SHROOM4: variants seen among roughly 807,000 people sequenced by gnomAD.
The protein encoded by SHROOM4 is shroom family member 4.
A neutral mutation model predicts 80.3 loss-of-function variants in SHROOM4; 17 were observed. That is an observed-to-expected ratio of 0.21 (90% CI 0.14 to 0.32). The LOEUF (loss-of-function observed/expected upper bound fraction) is 0.32, where lower values mean the gene tolerates loss of function less well. Ranked by LOEUF, SHROOM4 falls within the 10% of genes least tolerant of loss-of-function variation. SHROOM4 has a pLI of 1.00. For synonymous variants in SHROOM4, 400 were observed against 437.5 expected, an observed-to-expected ratio of 0.91 and a Z score of 1.07; for missense variants, 993 against 1,140.3, an observed-to-expected ratio of 0.87 and a Z score of 1.86.
intron 1 of SHROOM4, among the ~76,000 whole-genome samples, chrX:50,779,604 T>C (rs1318932417): frequency 2.7e-5 from 3 of 111,791 alleles, no homozygotes; most frequent in Non-Finnish European, 5.6e-5. Flanking sequence ...CCCAGCTACA[T>C]AGACTGCCCC....
chrX:50,627,647 A>G lies in SHROOM4; in HGVS notation c.2924T>C (p.Ile975Thr). 8 of 1,210,261 alleles carry G rather than the reference A, an allele frequency of 6.6e-6. No homozygotes were observed. The highest frequency in any genetic ancestry group is 8.9e-6 in the Non-Finnish European group (8 of 894,453). Residue 975 changes from isoleucine to threonine, a missense_variant, in exon 5 of 9, where the codon ATA becomes ACA. Physicochemically the swap from Ile to Thr is moderately conservative, Grantham distance 89. Transcript: ENST00000376020. The part of the protein sequence containing the change: ...QEFPGDKWNP[I>T]TGNRKTSQSG... Reference sequence around the variant, plus strand: ...CTGGCTGGTCTTCCTGTTTCCTGTTATTGGATTCCATTTGTCCCCAGGAAA... The same window carrying G: ...CTGGCTGGTCTTCCTGTTTCCTGTTGTTGGATTCCATTTGTCCCCAGGAAA...
At chrX:50,585,035 C>G (rs901064923), downstream of SHROOM4, among the ~76,000 whole-genome samples, 1 of 110,715 alleles carries the variant, frequency 9.0e-6, no homozygotes, top group Non-Finnish European at 1.9e-5. Flanking sequence ...TAAGAAAGTC[C>G]AACATTTAAT....
intron 1 of SHROOM4, among the ~76,000 whole-genome samples, chrX:50,712,233 T>G (rs1399440994): frequency 9.0e-6 from 1 of 111,587 alleles, no homozygotes; most frequent in Non-Finnish European, 1.9e-5. Flanking sequence ...GGCCACGACC[T>G]TATATTATGG....
intron 5 of SHROOM4, among the ~76,000 whole-genome samples, chrX:50,611,921 C>T (rs59675069): frequency 0.01 from 1,135 of 110,812 alleles, 17 homozygotes; most frequent in African/African-American, 0.036. Context: ...GGGTGAGACT[C>T]TGTCTCAAGA....
At chrX:50,743,178 A>G (rs1204666506) in intron 1 of SHROOM4, among the ~76,000 whole-genome samples, 9 of 106,857 alleles carry the variant, frequency 8.4e-5, no homozygotes, top group African/African-American at 3.1e-4. Context: ...GAGATTCTCC[A>G]GACTCATGTA....
chrX:50,603,914 A>AG (rs1929555680), intron 6 of SHROOM4, among the ~76,000 whole-genome samples: 2 of 111,222 alleles, frequency 1.8e-5, no homozygotes, highest in Non-Finnish European at 3.8e-5. Flanking sequence ...CCCTCACTAT[A>AG]TTCTCATTGC....
the SHROOM4 span, among the ~76,000 whole-genome samples, chrX:50,577,367 T>A: frequency 8.9e-6 from 1 of 112,714 alleles, no homozygotes; most frequent in African/African-American, 3.2e-5. Context: ...AGAGGGTGCC[T>A]CTGAAGTTGT....
chrX:50,811,979 G>A (rs2147755579), intron 1 of SHROOM4, among the ~76,000 whole-genome samples: 1 of 110,050 alleles, frequency 9.1e-6, no homozygotes, highest in Non-Finnish European at 1.9e-5. Flanking sequence ...ACCACAAATT[G>A]CTGGCTGCCC....
At chrX:50,719,768 G>A (rs1410882323) in intron 1 of SHROOM4, among the ~76,000 whole-genome samples, 1 of 112,403 alleles carries the variant, frequency 8.9e-6, no homozygotes, top group African/African-American at 3.2e-5. Flanking sequence ...GTTTGTGTGT[G>A]TGCACACATG....
At chrX:50,668,716 A>G (rs1368194075) in intron 2 of SHROOM4, among the ~76,000 whole-genome samples, 1 of 112,302 alleles carries the variant, frequency 8.9e-6, no homozygotes, top group Non-Finnish European at 1.9e-5. Flanking sequence ...ACAGACATGC[A>G]TGAAACAAAT....
intron 1 of SHROOM4, among the ~76,000 whole-genome samples, chrX:50,719,289 C>T (rs782435045): frequency 9.0e-6 from 1 of 111,536 alleles, no homozygotes; most frequent in East Asian, 2.9e-4. Flanking sequence ...TTCTTGGTCC[C>T]ATGTTCCTCT....
At chrX:50,781,641 G>A (rs1479619792) in intron 1 of SHROOM4, among the ~76,000 whole-genome samples, 1 of 110,659 alleles carries the variant, frequency 9.0e-6, no homozygotes, top group Non-Finnish European at 1.9e-5. Context: ...AGATATGAAA[G>A]TCACTGTAGA....
intron 6 of SHROOM4, among the ~76,000 whole-genome samples, chrX:50,603,597 A>C (rs1382129095): frequency 1.8e-5 from 2 of 111,702 alleles, no homozygotes; most frequent in Admixed American, 9.5e-5. Flanking sequence ...TTGTAGAATG[A>C]AATGGGGAAA....
intron 2 of SHROOM4, among the ~76,000 whole-genome samples, chrX:50,651,866 A>G (rs1315940609): frequency 1.8e-5 from 2 of 110,808 alleles, no homozygotes; most frequent in Non-Finnish European, 3.8e-5. Flanking sequence ...GTTTACCTAG[A>G]ATGATGGTTT....
At chrX:50,627,979 T>C (rs1557253413) in intron 4 of SHROOM4, among the ~76,000 whole-genome samples, 2 of 112,253 alleles carry the variant, frequency 1.8e-5, no homozygotes, top group African/African-American at 6.5e-5. Flanking sequence ...CAGTTTAGTA[T>C]GTTTGCTGTT....
rs782337810 is a variant in SHROOM4, at chrX:50,707,600, C to T, written c.118-11663G>A. Among the ~76,000 whole-genome samples, 34 of 110,761 alleles carry T rather than the reference C, an allele frequency of 3.1e-4. No individual in the cohort carries two copies. In the South Asian group the frequency reaches 0.013, roughly 42 times the overall value. ...TGGCTCAGGGCCAAGGCAGCTAACG[C>T]TTCAATCAAACTGCTCTCCCCACCC... On this transcript the variant is annotated intron_variant, in intron 1 of 8. Coordinates refer to ENST00000376020, the MANE Select transcript of SHROOM4 (RefSeq NM_020717.5).
intron 2 of SHROOM4, among the ~76,000 whole-genome samples, chrX:50,650,461 C>G (rs2007967): frequency 0.36 from 40,174 of 110,090 alleles, 5,497 homozygotes; most frequent in Non-Finnish European, 0.38. Context: ...AGAGATGGCC[C>G]TGCCTCAGCC....
rs782232826 is a variant in SHROOM4, at chrX:50,598,577, G to A, written c.3943-42C>T. 1.4e-5 allele frequency: 16 copies of A among 1,176,426 alleles called. No homozygotes were observed. In the South Asian group the frequency reaches 2.8e-4, roughly 21 times the overall value. Reference sequence around the variant, plus strand: ...GGAGAAGACAAAGGATGAGAATGGGGATCAACAGAAACTGATTTGTGCCTG... The same window carrying A: ...GGAGAAGACAAAGGATGAGAATGGGAATCAACAGAAACTGATTTGTGCCTG... On this transcript the variant is annotated intron_variant, in intron 7 of 8. Transcript: ENST00000376020.
intron 5 of SHROOM4, among the ~76,000 whole-genome samples, chrX:50,609,324 T>C (rs1449879793): frequency 9.0e-6 from 1 of 111,313 alleles, no homozygotes; most frequent in African/African-American, 3.3e-5. Flanking sequence ...TTAAACTACA[T>C]TTAACTACAG....
Sources: gnomAD v4.1 joint callset for allele counts (sites outside exome capture counted in the v4.1 genomes callset) on GRCh38, gnomAD v4.1.1 for gene constraint, MANE v1.5 for transcripts, NCBI Gene and HGNC (gene_info 2026-07-23, HGNC 2026-07-21) for gene names.